Variants in PUS7 observed in about 807,000 individuals in gnomAD.
The protein encoded by PUS7 is pseudouridine synthase 7, also known as pseudouridylate synthase 7 homolog.
Under a neutral mutation model 79.8 loss-of-function variants are expected in PUS7, and 48 were observed. The observed-to-expected ratio is 0.60, with a 90% confidence interval of 0.48 to 0.76. PUS7 has a LOEUF of 0.76. Among genes scored for constraint, PUS7 ranks in the 30% least tolerant of loss-of-function variants. The probability of loss-of-function intolerance (pLI) is 0.00; values close to 1 mark genes in which losing one functional copy is unlikely to be tolerated. For synonymous variants in PUS7, 286 were observed against 272.2 expected, an observed-to-expected ratio of 1.05 and a Z score of -0.50; for missense variants, 729 against 797.6, an observed-to-expected ratio of 0.91 and a Z score of 1.04.
intron 11 of PUS7, 39 bp downstream of exon 11, chr7:105,470,649 C>G: frequency 6.7e-7 from 1 of 1,501,678 alleles, no homozygotes. Context: ...AGCATTAAAA[C>G]GCCTTGAGCC....
chr7:105,518,169 C>T (rs1825967065), intron 1 of PUS7, among the ~76,000 whole-genome samples: 1 of 150,508 alleles, frequency 6.6e-6, no homozygotes, highest in Admixed American at 6.7e-5. Context: ...AAAAATAAGC[C>T]GGGCAAGGTG....
chr7:105,462,459 T>C lies in PUS7; in HGVS notation c.1757+162A>G, dbSNP rs773884594. On this transcript the variant is annotated intron_variant, in intron 14 of 15. Transcript: ENST00000469408. ...AAAAAACCAAAAAAAAAACAAAAGG[T>C]AAGTAAAAATATGGTGTTATAATCT... The C allele has an allele frequency of 6.9e-6, 5 of 720,614 alleles. No individual in the cohort carries two copies. In the South Asian group the frequency reaches 7.3e-5, roughly 11 times the overall value. The allele number at this position is 720,614 out of a possible 1,614,324, so 44.6% of individuals were successfully genotyped here.
rs531928202 is a variant in PUS7 at position 105,487,694 on chromosome 7, A to G, written c.920+3846T>C. On this transcript the variant is annotated intron_variant, in intron 7 of 15. Coordinates refer to ENST00000469408, the MANE Select transcript of PUS7 (RefSeq NM_019042.5). ...GAATATAAAAATCTTGCTTTTAAAC[A>G]TCAGGAACCAATTAAGCAACATGAT... Among the ~76,000 whole-genome samples the G allele has an allele frequency of 2.6e-5, 4 of 152,342 alleles. No individual in the cohort carries two copies. The East Asian group carries it at 7.7e-4, about 29-fold the overall frequency.
At position 105,502,519 on chromosome 7, in the gene PUS7, T is replaced by G. The variant is rs765549057; in HGVS notation, c.631A>C (p.Ile211Leu). ...KEKRTIIHQAIKSLFPGLETK... is the reference protein window; with the variant it reads ...KEKRTIIHQALKSLFPGLETK... ...TCTAATCCTGGAAACAGAGATTTGA[T>G]AGCCTGATGGATGATGGTTCTTTTC... The change falls in exon 5 of 16, where the codon ATC becomes CTC. Residue 211 changes from isoleucine to leucine, a missense_variant. Ile to Leu is a conservative substitution (Grantham distance 5, BLOSUM62 2). Transcript: ENST00000469408. 1 of 1,614,106 alleles carries G rather than the reference T, an allele frequency of 6.2e-7. No individual in the cohort carries two copies. The highest frequency in any genetic ancestry group is 8.5e-7 in the Non-Finnish European group (1 of 1,179,976).
intron 6 of PUS7, among the ~76,000 whole-genome samples, chr7:105,494,228 C>T (rs962360793): frequency 1.3e-5 from 2 of 152,138 alleles, no homozygotes; most frequent in Non-Finnish European, 2.9e-5. Context: ...AGATTGTTAA[C>T]TCTCAGCTGC....
intron 7 of PUS7, among the ~76,000 whole-genome samples, chr7:105,484,647 C>T (rs999877422): frequency 9.2e-5 from 14 of 151,476 alleles, no homozygotes; most frequent in African/African-American, 2.7e-4. Flanking sequence ...GGTGAAACCC[C>T]GTCTCTACTA....
At chr7:105,518,050 A>G (rs927552254) in intron 1 of PUS7, among the ~76,000 whole-genome samples, 4 of 152,098 alleles carry the variant, frequency 2.6e-5, no homozygotes, top group African/African-American at 4.8e-5. Context: ...CAGGAGGCTG[A>G]GACAGGAGAA....
In PUS7 at chr7:105,500,627, C is replaced by T. The variant is rs139067704; in HGVS notation, c.730+1793G>A. Among the ~76,000 whole-genome samples, 8 of 152,304 alleles carry T rather than the reference C, an allele frequency of 5.3e-5. No individual in the cohort carries two copies. The East Asian group carries it at 1.5e-3, about 29-fold the overall frequency. ...CTGACCAACATGGGCTGTTTCTTGA[C>T]AAAAAATAACTCCCTAGCAGCCTTC... On this transcript the variant is annotated intron_variant, in intron 5 of 15. Coordinates refer to ENST00000469408, the MANE Select transcript of PUS7 (RefSeq NM_019042.5).
intron 9 of PUS7, 49 bp downstream of exon 9, chr7:105,481,000 CCTG>C: frequency 6.4e-7 from 1 of 1,565,760 alleles, no homozygotes; most frequent in Non-Finnish European, 8.7e-7. Context: ...ACCAACAAAC[CCTG>C]CTTTGTTTAT....
At chr7:105,479,256 A>T (rs1016365727) in intron 9 of PUS7, among the ~76,000 whole-genome samples, 2 of 152,180 alleles carry the variant, frequency 1.3e-5, no homozygotes, top group Non-Finnish European at 2.9e-5. Context: ...CTCCTCAAAG[A>T]GGCAGAGGAA....
At chr7:105,510,422 T>C (rs1825657252) in intron 1 of PUS7, among the ~76,000 whole-genome samples, 1 of 152,206 alleles carries the variant, frequency 6.6e-6, no homozygotes, top group Non-Finnish European at 1.5e-5. Context: ...AGGTGGTATA[T>C]AGTTCTGCAA....
At chr7:105,498,203 T>C (rs187804283) in intron 5 of PUS7, among the ~76,000 whole-genome samples, 1 of 152,314 alleles carries the variant, frequency 6.6e-6, no homozygotes, top group East Asian at 1.9e-4. Context: ...ACACTCAATA[T>C]ACAAAATAGT....
At position 105,516,732 on chromosome 7, in the gene PUS7, G is replaced by A. The variant is rs925775093; in HGVS notation, c.-33+5320C>T. Reference sequence around the variant, plus strand: ...ACCTCCCAAAGTTCCTGGGATTACAGGCGTGAGCCAGTGCGCCCGGACTGG... The same window carrying A: ...ACCTCCCAAAGTTCCTGGGATTACAAGCGTGAGCCAGTGCGCCCGGACTGG... On this transcript the variant is annotated intron_variant, in intron 1 of 15. Transcript: ENST00000469408. 3.3e-5 allele frequency among the ~76,000 whole-genome samples: 5 copies of A among 152,172 alleles called. No individual in the cohort carries two copies. In the East Asian group the frequency reaches 9.6e-4, roughly 29 times the overall value.
chr7:105,474,627 A>T (rs7780616), intron 9 of PUS7, among the ~76,000 whole-genome samples: 3,823 of 147,478 alleles, frequency 0.026, 185 homozygotes, highest in African/African-American at 0.095. Flanking sequence ...AAAAAAAAAA[A>T]AAAAATAATC....
Position 105,506,074 on chromosome 7 carries a change from G to C in PUS7, c.484-18C>G, listed in dbSNP as rs756254410. On this transcript the variant is annotated intron_variant, in intron 3 of 15. Coordinates refer to ENST00000469408, the MANE Select transcript of PUS7 (RefSeq NM_019042.5). ...GAAGGGTCCTTTAAAATAACCATGA[G>C]AACTCACAATGAATCATACATAGAA... 2 of 1,599,984 alleles carry C rather than the reference G, an allele frequency of 1.3e-6. No homozygotes were observed. The highest frequency in any genetic ancestry group is 2.2e-5 in the South Asian group (2 of 89,746).
At chr7:105,460,079 C>T (rs1202443337) in intron 14 of PUS7, among the ~76,000 whole-genome samples, 1 of 152,016 alleles carries the variant, frequency 6.6e-6, no homozygotes, top group Non-Finnish European at 1.5e-5. Flanking sequence ...GCTGGGACTA[C>T]AGGCGCCCGC....
chr7:105,521,820 G>GGAGCGGGGAGCGGGGAGCGGAGAGCGGA (rs200474347), intron 1 of PUS7, among the ~76,000 whole-genome samples: 2 of 151,328 alleles, frequency 1.3e-5, no homozygotes. Flanking sequence ...CGGGGAGCGG[G>GGAGCGGGGAGCGGGGAGCGGAGAGCGGA]GAGCGGAGAG....
At chr7:105,464,813 CTTTTTTT>C (rs71152985) in intron 13 of PUS7, among the ~76,000 whole-genome samples, 3 of 95,228 alleles carry the variant, frequency 3.2e-5, no homozygotes, top group Non-Finnish European at 4.4e-5. Flanking sequence ...CCCCTCTTCC[CTTTTTTT>C]TTTTTTTTTT....
rs146039849 is a variant in PUS7, at chr7:105,456,625, T to C, written c.*1165A>G. On this transcript the variant is annotated 3_prime_UTR_variant, in exon 16 of 16. Transcript: ENST00000469408. ...AATAAAAATTGATACAATTTTGATA[T>C]ACAACTTTAGAAAGGCATATTTATC... is the stretch of plus-strand genomic sequence containing the variant. The C allele has an allele frequency of 1.4e-4, 22 of 152,348 alleles. 1 individual carries two copies. The highest frequency in any genetic ancestry group is 5.0e-4 in the African/African-American group (21 of 41,586). 9.4% of individuals were successfully genotyped at this position (152,348 alleles called of 1,614,324 possible).
Sources: allele counts gnomAD v4.1 joint callset (sites outside exome capture counted in the v4.1 genomes callset), GRCh38; gene constraint gnomAD v4.1.1; transcripts MANE v1.5; gene names NCBI Gene and HGNC (gene_info 2026-07-23, HGNC 2026-07-21).